CAMK2D: variants seen among roughly 807,000 people sequenced by gnomAD.
The protein encoded by CAMK2D is calcium/calmodulin dependent protein kinase II delta, also known as calcium/calmodulin-dependent protein kinase type II subunit delta.
A neutral mutation model predicts 84.0 loss-of-function variants in CAMK2D; 37 were observed. That is an observed-to-expected ratio of 0.44 (90% confidence interval 0.34 to 0.58). The LOEUF (loss-of-function observed/expected upper bound fraction) is 0.58, where lower values mean the gene tolerates loss of function less well. Among genes scored for constraint, CAMK2D ranks in the 20% least tolerant of loss-of-function variants. The pLI is 0.02. For missense variants in CAMK2D, 448 were observed against 652.5 expected, an observed-to-expected ratio of 0.69 and a Z score of 3.41; for synonymous variants, 202 against 212.5, an observed-to-expected ratio of 0.95 and a Z score of 0.43.
chr4:113,555,533 A>G (rs1310250156), intron 4 of CAMK2D, among the ~76,000 whole-genome samples: 1 of 152,192 alleles, frequency 6.6e-6, no homozygotes, highest in Non-Finnish European at 1.5e-5. Flanking sequence ...AGGTTCATTA[A>G]GCAGTTAAGC....
intron 4 of CAMK2D, among the ~76,000 whole-genome samples, chr4:113,572,560 T>A (rs2098758613): frequency 6.6e-6 from 1 of 151,580 alleles, no homozygotes; most frequent in African/African-American, 2.4e-5. Flanking sequence ...AATAGAGAAA[T>A]GCAAATCAAA....
Position 113,465,636 on chromosome 4 carries a change from T to C in CAMK2D, c.1136-32A>G, listed in dbSNP as rs190716002. On this transcript the variant is annotated intron_variant, in intron 16 of 20. Transcript: ENST00000511664. ...GCAAAAATATGGAGTTGGGTAAGAA[T>C]AAAAGACAAAAGTCATATTAAATAT... 4.6e-5 allele frequency: 60 copies of C among 1,300,792 alleles called. No homozygotes were observed. The African/African-American group carries it at 7.9e-4, about 17-fold the overall frequency. 80.6% of individuals were successfully genotyped at this position (1,300,792 alleles called of 1,614,324 possible). A position where few individuals can be genotyped will look rare whatever the true frequency, so the allele number is the denominator to read the frequency against.
chr4:113,546,190 T>C (rs966972616), intron 6 of CAMK2D, among the ~76,000 whole-genome samples: 2 of 152,146 alleles, frequency 1.3e-5, no homozygotes, highest in African/African-American at 4.8e-5. Flanking sequence ...ATTGCACAAA[T>C]GATGTGCATG....
At chr4:113,692,629 TATTC>T (rs1364496879) in intron 2 of CAMK2D, among the ~76,000 whole-genome samples, 1 of 151,050 alleles carries the variant, frequency 6.6e-6, no homozygotes, top group Non-Finnish European at 1.5e-5. Context: ...CACATTCATA[TATTC>T]ATTCATACAT....
intron 4 of CAMK2D, among the ~76,000 whole-genome samples, chr4:113,594,081 C>T: frequency 6.6e-6 from 1 of 152,114 alleles, no homozygotes; most frequent in Non-Finnish European, 1.5e-5. Context: ...TTACTCATGG[C>T]AGAAAGCAAA....
intron 4 of CAMK2D, among the ~76,000 whole-genome samples, chr4:113,573,944 T>C (rs533796710): frequency 6.6e-6 from 1 of 152,284 alleles, no homozygotes; most frequent in East Asian, 1.9e-4. Flanking sequence ...TCTACCCTCA[T>C]TCTCTCTCCA....
chr4:113,581,528 A>G (rs1321252003), intron 4 of CAMK2D, among the ~76,000 whole-genome samples: 3 of 138,064 alleles, frequency 2.2e-5, no homozygotes, highest in East Asian at 2.4e-4. Context: ...AAAAAAAAAA[A>G]AAAAAGAAAA....
At chr4:113,508,112 A>G in intron 13 of CAMK2D, 1 of 680,378 alleles carries the variant, frequency 1.5e-6, no homozygotes, top group Non-Finnish European at 2.7e-6. Context: ...TTGATAGTTG[A>G]CTAACACTGA....
At position 113,520,611 on chromosome 4, in the gene CAMK2D, A is replaced by G. The variant is rs72905974; in HGVS notation, c.602-2954T>C. ...AAAGTACTAAAATCATTAAAAGTCA[A>G]TGAAGAAGTCTTTTTTTTGCGAGAC... is the stretch of plus-strand genomic sequence containing the variant. On this transcript the variant is annotated intron_variant, in intron 8 of 20. Transcript: ENST00000511664. Among the ~76,000 whole-genome samples the G allele has an allele frequency of 2.6e-3, 395 of 151,922 alleles. 3 individuals carry two copies. Among genetic ancestry groups the G allele is most frequent in the African/African-American group, 8.9e-3 (369 of 41,242 alleles).
intron 3 of CAMK2D, among the ~76,000 whole-genome samples, chr4:113,659,200 C>CT (rs1370084956): frequency 1.3e-5 from 2 of 152,168 alleles, no homozygotes; most frequent in Non-Finnish European, 2.9e-5. Context: ...ATAGGAGGAC[C>CT]TGATACAAAC....
intron 5 of CAMK2D, chr4:113,548,509 C>T: frequency 1.9e-6 from 1 of 524,030 alleles, no homozygotes; most frequent in Non-Finnish European, 3.4e-6. Flanking sequence ...CTGGAAGAGG[C>T]ATCATGCATT....
chr4:113,488,176 G>A (rs767704861), intron 16 of CAMK2D, among the ~76,000 whole-genome samples: 53 of 151,948 alleles, frequency 3.5e-4, no homozygotes, highest in Non-Finnish European at 6.9e-4. Context: ...GACAATTTTT[G>A]TTAGGTAATG....
chr4:113,728,211 C>G (rs934131913), intron 2 of CAMK2D, among the ~76,000 whole-genome samples: 1 of 152,140 alleles, frequency 6.6e-6, no homozygotes, highest in African/African-American at 2.4e-5. Context: ...ATGCTCATAG[C>G]TGGTTTATTC....
At chr4:113,517,048 T>C (rs2098294801) in intron 9 of CAMK2D, among the ~76,000 whole-genome samples, 1 of 151,806 alleles carries the variant, frequency 6.6e-6, no homozygotes, top group African/African-American at 2.4e-5. Flanking sequence ...AATTATGATT[T>C]TCAAATTTTT....
chr4:113,457,852 T>C (rs535387008), intron 18 of CAMK2D, among the ~76,000 whole-genome samples: 3 of 152,276 alleles, frequency 2.0e-5, no homozygotes, highest in Admixed American at 6.5e-5. Context: ...TTATTTACAA[T>C]GGAAAGTGGT....
chr4:113,723,121 C>CA (rs35204673), intron 2 of CAMK2D, among the ~76,000 whole-genome samples: 6,097 of 150,920 alleles, frequency 0.04, 203 homozygotes, highest in East Asian at 0.12. Context: ...TTTTGAGTTT[C>CA]AAAAAAATTA....
At position 113,596,247 on chromosome 4, in the gene CAMK2D, T is replaced by A. The variant is rs78204272; in HGVS notation, c.275+12905A>T. 1.7e-3 allele frequency among the ~76,000 whole-genome samples: 256 copies of A among 152,326 alleles called. 5 individuals are homozygous for A. The East Asian group carries it at 0.048, about 29-fold the overall frequency. On this transcript the variant is annotated intron_variant, in intron 4 of 20. Coordinates refer to ENST00000511664, the MANE Select transcript of CAMK2D (RefSeq NM_001321571.2). The stretch of plus-strand genomic sequence containing the variant: ...CTGCAGATTACACTTCCAGTTATAG[T>A]CTTCATGCTATTTTCACATCTGCAG...
intron 4 of CAMK2D, among the ~76,000 whole-genome samples, chr4:113,553,079 G>A (rs2154199995): frequency 6.6e-6 from 1 of 152,236 alleles, no homozygotes; most frequent in South Asian, 2.1e-4. Flanking sequence ...AACCTTGTAA[G>A]AGCTAACATT....
intron 3 of CAMK2D, among the ~76,000 whole-genome samples, chr4:113,639,933 G>A (rs1208194316): frequency 6.6e-6 from 1 of 152,136 alleles, no homozygotes; most frequent in Non-Finnish European, 1.5e-5. Flanking sequence ...GCAAAGGGAA[G>A]AATTCAGAAG....
Sources: allele counts gnomAD v4.1 joint callset (sites outside exome capture counted in the v4.1 genomes callset), GRCh38; gene constraint gnomAD v4.1.1; transcripts MANE v1.5; gene names NCBI Gene and HGNC (gene_info 2026-07-23, HGNC 2026-07-21).